The following TRIM59 variants were observed in gnomAD, a reference collection of about 807,000 sequenced individuals.
TRIM59 encodes the protein tripartite motif-containing protein 59.
TRIM59 carries 14 observed loss-of-function variants against 32.2 expected under a neutral mutation model. The observed-to-expected ratio is 0.43, with a 90% confidence interval of 0.29 to 0.68. The LOEUF is 0.68. Among genes scored for constraint, TRIM59 ranks in the 30% least tolerant of loss-of-function variants. TRIM59 has a pLI of 0.15. For missense variants in TRIM59, 471 were observed against 463.3 expected, an observed-to-expected ratio of 1.02 and a Z score of -0.15; for synonymous variants, 163 against 155.1, an observed-to-expected ratio of 1.05 and a Z score of -0.38.
chr3:160,438,024 C>G lies in TRIM59; in HGVS notation c.1160G>C (p.Cys387Ser), dbSNP rs893635708. The change falls in exon 3 of 3, where the codon TGT becomes TCT. Residue 387 changes from cysteine (C) to serine (S), a missense_variant. Cys to Ser is a moderately radical substitution (Grantham distance 112). Transcript: ENST00000309784. ...TTCCTTCAACAAATAGAAAATGTGA[C>G]ACAGTATATTCTTTACCTTATGCAG... is the stretch of plus-strand genomic sequence containing the variant. ...NSLHKVKNILCHIFYLLKEFV... is the reference protein window; with the variant it reads ...NSLHKVKNILSHIFYLLKEFV... 6.4e-7 allele frequency: 1 copy of G among 1,565,972 alleles called. No homozygotes were observed. The highest frequency in any genetic ancestry group is 1.4e-5 in the African/African-American group (1 of 72,118).
At chr3:160,446,787 A>G (rs1428186009) in intron 2 of TRIM59, among the ~76,000 whole-genome samples, 3 of 152,200 alleles carry the variant, frequency 2.0e-5, no homozygotes, top group Admixed American at 6.5e-5. Context: ...TTAGATTCTC[A>G]TAACAGCGTG....
chr3:160,444,267 C>G (rs1277033957), intron 2 of TRIM59, among the ~76,000 whole-genome samples: 1 of 151,468 alleles, frequency 6.6e-6, no homozygotes. Context: ...AAGAAAATAC[C>G]AAAAGAAATG....
intron 2 of TRIM59, chr3:160,447,788 G>C (rs1719610512): frequency 6.6e-6 from 1 of 152,230 alleles, no homozygotes; most frequent in Non-Finnish European, 1.5e-5. Flanking sequence ...TTAAGTATGG[G>C]AAAATTCAAG....
In TRIM59 at chr3:160,437,789, A is replaced by T; in HGVS notation, c.*183T>A. On this transcript the variant is annotated 3_prime_UTR_variant, in exon 3 of 3. Transcript: ENST00000309784. ...TGTTACTAGATTCTGTTTCCCAAAGATTTGACTATTTCAGATATAACTTTG... is the reference window on the plus strand; with the variant it reads ...TGTTACTAGATTCTGTTTCCCAAAGTTTTGACTATTTCAGATATAACTTTG... 1 of 1,247,766 alleles carries T rather than the reference A, an allele frequency of 8.0e-7. No individual in the cohort carries two copies. The highest frequency in any genetic ancestry group is 1.0e-6 in the Non-Finnish European group (1 of 997,710). The allele number at this position is 1,247,766 out of a possible 1,614,324, so 77.3% of individuals were successfully genotyped here.
Position 160,439,010 on chromosome 3 carries a change from A to G in TRIM59, c.174T>C (p.Asn58=), listed in dbSNP as rs1227436495. 13 of 1,613,296 alleles carry G rather than the reference A, an allele frequency of 8.1e-6. No individual in the cohort carries two copies. The highest frequency in any genetic ancestry group is 9.3e-6 in the Non-Finnish European group (11 of 1,179,516). Residue 58 remains asparagine (N), a synonymous_variant, in exon 3 of 3, where the codon AAT becomes AAC. Transcript: ENST00000309784. The part of the protein sequence containing the change: ...RPLRIPLKCP[N]CRSITEIAPT... The stretch of plus-strand genomic sequence containing the variant: ...GAGCAATTTCAGTAATACTTCTGCA[A>G]TTAGGGCACTTGAGTGGAATTCGTA...
At chr3:160,439,679 C>A (rs114669317) in intron 2 of TRIM59, among the ~76,000 whole-genome samples, 56 of 152,164 alleles carry the variant, frequency 3.7e-4, no homozygotes, top group Non-Finnish European at 7.5e-4. Context: ...TCTTGTCTGC[C>A]GCCATGTGAG....
rs1718913593 is a variant in TRIM59 at position 160,435,875 on chromosome 3, A to C, written c.*2097T>G. ...ACAGCTATATGGCCTTGGACAAGTC[A>C]CTTGTCAGTTCCCTCATCTACAAAA... On this transcript the variant is annotated 3_prime_UTR_variant, in exon 3 of 3. Coordinates refer to ENST00000309784, the MANE Select transcript of TRIM59 (RefSeq NM_173084.3). The C allele has an allele frequency of 9.1e-7, 1 of 1,099,902 alleles. No homozygotes were observed. Among genetic ancestry groups the C allele is most frequent in the Non-Finnish European group, 1.2e-6 (1 of 816,244 alleles). The allele number at this position is 1,099,902 out of a possible 1,614,324, so 68.1% of individuals were successfully genotyped here. A position where few individuals can be genotyped will look rare whatever the true frequency, so the allele number is the denominator to read the frequency against.
chr3:160,439,636 G>A (rs943009587), intron 2 of TRIM59, among the ~76,000 whole-genome samples: 2 of 152,056 alleles, frequency 1.3e-5, no homozygotes, highest in Non-Finnish European at 2.9e-5. Context: ...GGTTTTGTAA[G>A]AGGAAACCCC....
In TRIM59 at chr3:160,449,727, A is replaced by G; in HGVS notation, c.-84T>C. On this transcript the variant is annotated 5_prime_UTR_variant, in exon 1 of 3. Coordinates refer to ENST00000309784, the MANE Select transcript of TRIM59 (RefSeq NM_173084.3). ...GGTCCTTAGACTCACCGCGGGGAGG[A>G]AGCGGACCAGGCAACTCCACAGCAC... The G allele has an allele frequency of 7.8e-7, 1 of 1,289,968 alleles. No homozygotes were observed. The highest frequency in any genetic ancestry group is 1.0e-6 in the Non-Finnish European group (1 of 988,984). The allele number at this position is 1,289,968 out of a possible 1,614,324, so 79.9% of individuals were successfully genotyped here.
rs1266263669 is a variant in TRIM59 at position 160,436,536 on chromosome 3, C to A, written c.*1436G>T. The stretch of plus-strand genomic sequence containing the variant: ...TTGTTGGGCCGGGCGTGGCGGCTCA[C>A]GCCTATAATCCCAGCATTTTGGGAG... On this transcript the variant is annotated 3_prime_UTR_variant, in exon 3 of 3. Coordinates refer to ENST00000309784, the MANE Select transcript of TRIM59 (RefSeq NM_173084.3). 4 of 985,114 alleles carry A rather than the reference C, an allele frequency of 4.1e-6. No homozygotes were observed. Among genetic ancestry groups the A allele is most frequent in the Non-Finnish European group, 4.8e-6 (4 of 829,784 alleles). The allele number at this position is 985,114 out of a possible 1,614,324, so 61.0% of individuals were successfully genotyped here. A position where few individuals can be genotyped will look rare whatever the true frequency, so the allele number is the denominator to read the frequency against.
In TRIM59 at chr3:160,437,935, C is replaced by G; in HGVS notation, c.*37G>C. The G allele has an allele frequency of 6.7e-7, 1 of 1,493,618 alleles. No homozygotes were observed. Among genetic ancestry groups the G allele is most frequent in the Non-Finnish European group, 8.9e-7 (1 of 1,126,004 alleles). 92.5% of individuals were successfully genotyped at this position (1,493,618 alleles called of 1,614,324 possible). Reference sequence around the variant, plus strand: ...ACCCCATTTTTTGTTTAGCAATGTACAGAATAAGCCCATTTAAACAATTCA... The same window carrying G: ...ACCCCATTTTTTGTTTAGCAATGTAGAGAATAAGCCCATTTAAACAATTCA... On this transcript the variant is annotated 3_prime_UTR_variant, in exon 3 of 3. Transcript: ENST00000309784.
chr3:160,437,225 G>T lies in TRIM59; in HGVS notation c.*747C>A. The stretch of plus-strand genomic sequence containing the variant: ...TTTTTAATTAGCCAGGCATGGGGGT[G>T]TGTGCCTTGTCCCAGCTGCTCCAGA... On this transcript the variant is annotated 3_prime_UTR_variant, in exon 3 of 3. Coordinates refer to ENST00000309784, the MANE Select transcript of TRIM59 (RefSeq NM_173084.3). 3.6e-6 allele frequency: 2 copies of T among 548,806 alleles called. No individual in the cohort carries two copies. The highest frequency in any genetic ancestry group is 4.6e-6 in the Non-Finnish European group (2 of 431,634). The allele number at this position is 548,806 out of a possible 1,614,324, so 34.0% of individuals were successfully genotyped here.
Position 160,435,725 on chromosome 3 carries a change from AATGAT to A in TRIM59, c.*2242_*2246del. On this transcript the variant is annotated 3_prime_UTR_variant, in exon 3 of 3. Transcript: ENST00000309784. Reference sequence around the variant, plus strand: ...GCAAGATACAAAATGTCAAATCTAAAATGATATATATACTTACGTTTTTAGCATTC... The same window carrying A: ...GCAAGATACAAAATGTCAAATCTAAAATATATACTTACGTTTTTAGCATTC... 3.8e-6 allele frequency: 1 copy of A among 262,164 alleles called. No individual in the cohort carries two copies. 16.2% of individuals were successfully genotyped at this position (262,164 alleles called of 1,614,324 possible). A position where few individuals can be genotyped will look rare whatever the true frequency, so the allele number is the denominator to read the frequency against.
intron 2 of TRIM59, among the ~76,000 whole-genome samples, chr3:160,446,805 C>T (rs1442542384): frequency 6.6e-6 from 1 of 152,216 alleles, no homozygotes; most frequent in Non-Finnish European, 1.5e-5. Flanking sequence ...GTGAACCCTA[C>T]TGTGAACTGC....
intron 1 of TRIM59, chr3:160,449,346 A>G: frequency 2.3e-6 from 1 of 431,574 alleles, no homozygotes; most frequent in Non-Finnish European, 3.6e-6. Flanking sequence ...AAATGGCAGT[A>G]CTCTTCCCTT....
chr3:160,444,046 T>C (rs1719394667), intron 2 of TRIM59, among the ~76,000 whole-genome samples: 1 of 152,152 alleles, frequency 6.6e-6, no homozygotes, highest in Non-Finnish European at 1.5e-5. Flanking sequence ...AGAGGAAATA[T>C]TAATATTATA....
At chr3:160,439,234 A>C (rs764326268) in intron 2 of TRIM59, 48 bp from the exon 3 acceptor site, 2 of 1,409,854 alleles carry the variant, frequency 1.4e-6, no homozygotes, top group Non-Finnish European at 1.9e-6. Context: ...ACACCTGTAC[A>C]TATTATTTAA....
chr3:160,446,558 TATA>T (rs1719538572), intron 2 of TRIM59, among the ~76,000 whole-genome samples: 1 of 152,168 alleles, frequency 6.6e-6, no homozygotes, highest in African/African-American at 2.4e-5. Flanking sequence ...GAAAAAAGCA[TATA>T]ATATATATAA....
At chr3:160,444,987 T>TA (rs1323330709) in intron 2 of TRIM59, among the ~76,000 whole-genome samples, 1 of 151,256 alleles carries the variant, frequency 6.6e-6, no homozygotes, top group African/African-American at 2.4e-5. Context: ...ACAACAGAAA[T>TA]ACTCTTCAGT....
Sources: gnomAD v4.1 joint callset for allele counts (sites outside exome capture counted in the v4.1 genomes callset) on GRCh38, gnomAD v4.1.1 for gene constraint, MANE v1.5 for transcripts, NCBI Gene and HGNC (gene_info 2026-07-23, HGNC 2026-07-21) for gene names.